Variants in GRK3 observed in about 807,000 individuals in gnomAD.
GRK3 encodes adrenergic, beta, receptor kinase 2.
In GRK3, 54 loss-of-function variants were observed where a neutral mutation model predicts 95.7. The observed-to-expected ratio is 0.56, with a 90% CI of 0.45 to 0.71. The LOEUF (loss-of-function observed/expected upper bound fraction) is 0.71. Among genes scored for constraint, GRK3 ranks in the 30% least tolerant of loss-of-function variants. The probability of loss-of-function intolerance (pLI) is 0.00; values close to 1 mark genes in which losing one functional copy is unlikely to be tolerated. For missense variants in GRK3, 649 were observed against 851.2 expected, an observed-to-expected ratio of 0.76 and a Z score of 2.96; for synonymous variants, 281 against 290.8, an observed-to-expected ratio of 0.97 and a Z score of 0.34.
intron 2 of GRK3, among the ~76,000 whole-genome samples, chr22:25,620,475 G>T (rs2084576599): frequency 6.6e-6 from 1 of 152,138 alleles, no homozygotes; most frequent in Non-Finnish European, 1.5e-5. Flanking sequence ...CATATCAAAG[G>T]TTGCCAGCCC....
At chr22:25,594,734 C>T (rs762227887) in intron 1 of GRK3, among the ~76,000 whole-genome samples, 21 of 151,960 alleles carry the variant, frequency 1.4e-4, no homozygotes, top group East Asian at 3.9e-4. Flanking sequence ...AAAAATTAGC[C>T]GGGCGTGGCG....
chr22:25,587,214 A>G (rs1323451347), intron 1 of GRK3, among the ~76,000 whole-genome samples: 1 of 152,054 alleles, frequency 6.6e-6, no homozygotes, highest in Non-Finnish European at 1.5e-5. Context: ...TTTAAATGAG[A>G]TGATTACATG....
chr22:25,728,007 A>G lies in GRK3; in HGVS notation c.*5557A>G, dbSNP rs540786819. The G allele has an allele frequency of 6.6e-6, 1 of 152,208 alleles. No individual in the cohort carries two copies. The highest frequency in any genetic ancestry group is 1.5e-5 in the Non-Finnish European group (1 of 68,032). 9.4% of individuals were successfully genotyped at this position (152,208 alleles called of 1,614,324 possible). Reference sequence around the variant, plus strand: ...TATATATATAAGAAACAAGAGTTCTATTTTAGCACAAAGGCATTTTATATT... The same window carrying G: ...TATATATATAAGAAACAAGAGTTCTGTTTTAGCACAAAGGCATTTTATATT... On this transcript the variant is annotated 3_prime_UTR_variant, in exon 21 of 21. Transcript: ENST00000324198.
intron 2 of GRK3, among the ~76,000 whole-genome samples, chr22:25,640,952 C>G (rs2146378549): frequency 6.6e-6 from 1 of 152,152 alleles, no homozygotes; most frequent in East Asian, 1.9e-4. Flanking sequence ...TTATTTTTGC[C>G]TCTCATATTT....
chr22:25,716,806 G>A (rs554656428), intron 18 of GRK3, among the ~76,000 whole-genome samples: 3 of 152,338 alleles, frequency 2.0e-5, no homozygotes, highest in East Asian at 1.9e-4. Context: ...GTTAGGAACC[G>A]GGCTGCACAG....
At chr22:25,686,680 C>T (rs2085117008) in intron 10 of GRK3, among the ~76,000 whole-genome samples, 1 of 152,152 alleles carries the variant, frequency 6.6e-6, no homozygotes, top group Non-Finnish European at 1.5e-5. Flanking sequence ...CTGATAATTT[C>T]CTTTCTCCAG....
intron 2 of GRK3, among the ~76,000 whole-genome samples, chr22:25,617,358 G>A (rs1041221547): frequency 6.6e-6 from 1 of 152,132 alleles, no homozygotes; most frequent in African/African-American, 2.4e-5. Flanking sequence ...ATAGCTTGCT[G>A]GGAATAGTGA....
At position 25,722,485 on chromosome 22, in the gene GRK3, C is replaced by G; in HGVS notation, c.*35C>G. On this transcript the variant is annotated 3_prime_UTR_variant, in exon 21 of 21. Coordinates refer to ENST00000324198, the MANE Select transcript of GRK3 (RefSeq NM_005160.4). ...ACAGGGAGGGTCCTCGAGGAGGACA[C>G]ACCAGGGTCTCAGCCTTTTGGGGTG... is the stretch of plus-strand genomic sequence containing the variant. 1 of 1,607,762 alleles carries G rather than the reference C, an allele frequency of 6.2e-7. No individual in the cohort carries two copies. Among genetic ancestry groups the G allele is most frequent in the Non-Finnish European group, 8.5e-7 (1 of 1,175,028 alleles).
intron 13 of GRK3, among the ~76,000 whole-genome samples, chr22:25,702,671 A>G (rs2085267873): frequency 5.9e-5 from 9 of 152,256 alleles, no homozygotes; most frequent in Admixed American, 5.9e-4. Context: ...ATAGTTCACC[A>G]AGTAGACATT....
intron 9 of GRK3, among the ~76,000 whole-genome samples, chr22:25,681,885 C>T (rs1487362271): frequency 2.0e-5 from 3 of 152,118 alleles, no homozygotes; most frequent in Non-Finnish European, 4.4e-5. Flanking sequence ...GCCGTCTTAT[C>T]CATAATTATC....
intron 5 of GRK3, among the ~76,000 whole-genome samples, chr22:25,664,882 C>G (rs762824789): frequency 1.3e-5 from 2 of 152,108 alleles, no homozygotes; most frequent in African/African-American, 4.8e-5. Context: ...GAGCAAATAC[C>G]GATTTGGCTC....
At chr22:25,636,334 A>T (rs2146373579) in intron 2 of GRK3, among the ~76,000 whole-genome samples, 1 of 152,356 alleles carries the variant, frequency 6.6e-6, no homozygotes, top group East Asian at 1.9e-4. Flanking sequence ...GTGTTCACAT[A>T]TCTACCTACC....
At chr22:25,595,941 G>A (rs1043392449) in intron 1 of GRK3, among the ~76,000 whole-genome samples, 6 of 152,014 alleles carry the variant, frequency 3.9e-5, no homozygotes, top group Admixed American at 3.3e-4. Context: ...AGCGAGACCC[G>A]CTTTGTATGT....
At chr22:25,670,332 A>G (rs906389007) in intron 6 of GRK3, among the ~76,000 whole-genome samples, 5 of 152,038 alleles carry the variant, frequency 3.3e-5, no homozygotes, top group Non-Finnish European at 1.5e-5. Flanking sequence ...ACTATCTTCA[A>G]AAATAAAAAT....
At chr22:25,625,494 G>C (rs1191872261) in intron 2 of GRK3, among the ~76,000 whole-genome samples, 5 of 152,168 alleles carry the variant, frequency 3.3e-5, no homozygotes, top group East Asian at 3.9e-4. Context: ...GGCGGACCGT[G>C]GTCTAGCGGC....
intron 13 of GRK3, among the ~76,000 whole-genome samples, chr22:25,697,944 A>C (rs6004741): frequency 3.9e-4 from 60 of 152,348 alleles, no homozygotes; most frequent in African/African-American, 1.4e-3. Context: ...CACTGGAGCC[A>C]AAGAGCAGGA....
intron 9 of GRK3, among the ~76,000 whole-genome samples, chr22:25,683,911 T>G (rs2085093717): frequency 6.6e-6 from 1 of 152,220 alleles, no homozygotes. Context: ...TACTGCCTTT[T>G]GTGGCCTAAG....
chr22:25,606,621 G>GT (rs1185655792), intron 2 of GRK3, among the ~76,000 whole-genome samples: 2 of 151,732 alleles, frequency 1.3e-5, no homozygotes, highest in Non-Finnish European at 2.9e-5. Context: ...TGTTTTGCTG[G>GT]TCCTCTTGTT....
intron 3 of GRK3, chr22:25,648,704 T>C: frequency 9.6e-7 from 1 of 1,039,144 alleles, no homozygotes; most frequent in Non-Finnish European, 1.5e-6. Context: ...ATGGAAAGTA[T>C]TTGAAGCTTC....
Sources: gnomAD v4.1 joint callset for allele counts (sites outside exome capture counted in the v4.1 genomes callset) on GRCh38, gnomAD v4.1.1 for gene constraint, MANE v1.5 for transcripts, NCBI Gene and HGNC (gene_info 2026-07-23, HGNC 2026-07-21) for gene names.